The following RAPGEF2 variants were observed in gnomAD, a reference collection of about 807,000 sequenced individuals.
RAPGEF2 encodes the protein PDZ domain containing guanine nucleotide exchange factor (GEF) 1.
Under a neutral mutation model 186.7 loss-of-function variants are expected in RAPGEF2, and 54 were observed. The observed-to-expected ratio is 0.29, with a 90% CI of 0.23 to 0.36. The LOEUF is 0.36. Ranked by LOEUF, RAPGEF2 falls within the 10% of genes least tolerant of loss-of-function variation. RAPGEF2 has a pLI of 1.00. For missense variants in RAPGEF2, 1,532 were observed against 2,045.0 expected (o/e 0.75, Z 4.84); for synonymous variants, 712 against 705.9 (o/e 1.01, Z -0.14).
chr4:159,122,735 T>C (rs1739845424), intron 1 of RAPGEF2, among the ~76,000 whole-genome samples: 1 of 152,214 alleles, frequency 6.6e-6, no homozygotes, highest in Admixed American at 6.5e-5. Flanking sequence ...GTAAAAGTGA[T>C]CTTTTGTGGA....
intron 1 of RAPGEF2, among the ~76,000 whole-genome samples, chr4:159,131,758 CTTGT>C (rs1389879452): frequency 1.3e-5 from 2 of 151,436 alleles, no homozygotes; most frequent in Non-Finnish European, 2.9e-5. Context: ...CCGGCATCTC[CTTGT>C]TTGTCAGAAA....
intron 1 of RAPGEF2, among the ~76,000 whole-genome samples, chr4:159,161,971 C>T (rs748132744): frequency 1.3e-5 from 2 of 152,096 alleles, no homozygotes; most frequent in Non-Finnish European, 2.9e-5. Flanking sequence ...TTAAAGCATG[C>T]ATCATAACGT....
chr4:159,353,237 C>T lies in RAPGEF2; in HGVS notation c.4092-250C>T, dbSNP rs866865767. On this transcript the variant is annotated intron_variant, in intron 27 of 29. Coordinates refer to ENST00000691494, the MANE Select transcript of RAPGEF2 (RefSeq NM_001394067.2). The surrounding 1 kb of genome is among the most constrained non-coding windows in gnomAD (Gnocchi z 4.3). Reference sequence around the variant, plus strand: ...TATATTGAGCCACCCTTAATGTTGTCGGGGAATTTTTTTTTTTTTAATGGC... The same window carrying T: ...TATATTGAGCCACCCTTAATGTTGTTGGGGAATTTTTTTTTTTTTAATGGC... 4.0e-4 allele frequency among the ~76,000 whole-genome samples: 41 copies of T among 102,790 alleles called. No individual in the cohort carries two copies. Among genetic ancestry groups the T allele is most frequent in the African/African-American group, 7.2e-4 (15 of 20,918 alleles). 67.4% of individuals were successfully genotyped at this position (102,790 alleles called of 152,430 possible). A position where few individuals can be genotyped will look rare whatever the true frequency, so the allele number is the denominator to read the frequency against.
intron 7 of RAPGEF2, among the ~76,000 whole-genome samples, chr4:159,291,358 A>T (rs1212728973): frequency 6.6e-6 from 1 of 152,178 alleles, no homozygotes; most frequent in Admixed American, 6.6e-5. Context: ...GCTGGAGTGC[A>T]GTGGCGCAAT....
intron 4 of RAPGEF2, among the ~76,000 whole-genome samples, chr4:159,212,527 C>T (rs1750630754): frequency 6.6e-6 from 1 of 152,022 alleles, no homozygotes; most frequent in Admixed American, 6.6e-5. Context: ...GCTTTAAATA[C>T]AATTTAATGT....
intron 1 of RAPGEF2, among the ~76,000 whole-genome samples, chr4:159,139,120 G>A (rs990183284): frequency 6.6e-6 from 1 of 152,156 alleles, no homozygotes; most frequent in African/African-American, 2.4e-5. Flanking sequence ...AGATATTTTT[G>A]AGCACACCTA....
intron 17 of RAPGEF2, among the ~76,000 whole-genome samples, chr4:159,333,189 A>G (rs1766935456): frequency 6.6e-6 from 1 of 151,902 alleles, no homozygotes; most frequent in South Asian, 2.1e-4. Flanking sequence ...CATCTTGGCC[A>G]GGCTGGTCTT....
chr4:159,295,331 G>A (rs372943117), intron 7 of RAPGEF2, among the ~76,000 whole-genome samples: 2 of 152,140 alleles, frequency 1.3e-5, no homozygotes, highest in African/African-American at 2.4e-5. Flanking sequence ...ATGAGTGGTT[G>A]TTGATGGTTG....
intron 4 of RAPGEF2, among the ~76,000 whole-genome samples, chr4:159,225,895 A>G (rs575716942): frequency 8.5e-5 from 13 of 152,220 alleles, no homozygotes; most frequent in East Asian, 3.9e-4. Context: ...TTTGTTGGCT[A>G]TGTTTTGCAG....
chr4:159,357,394 G>GGGAA lies in RAPGEF2; in HGVS notation c.4958-707_4958-704dup, dbSNP rs778306109. Reference sequence around the variant, plus strand: ...AGAGAGAGAGAAGGGGAGGGAGAAAGGGAAGGAAGGAAGGAACCCACATTC... The same window carrying GGGAA: ...AGAGAGAGAGAAGGGGAGGGAGAAAGGGAAGGAAGGAAGGAAGGAACCCACATTC... On this transcript the variant is annotated intron_variant, in intron 29 of 29. Transcript: ENST00000691494. Among the ~76,000 whole-genome samples the GGGAA allele has an allele frequency of 5.2e-4, 79 of 152,268 alleles. 1 individual carries two copies. The highest frequency in any genetic ancestry group is 1.9e-4 in the Non-Finnish European group (13 of 68,020).
At position 159,322,492 on chromosome 4, in the gene RAPGEF2, CTA is replaced by C; in HGVS notation, c.990+11_990+12del. On this transcript the variant is annotated intron_variant, in intron 10 of 29. Coordinates refer to ENST00000691494, the MANE Select transcript of RAPGEF2 (RefSeq NM_001394067.2). ...TAAATGATGGTGAAGAGGTGAGTAA[CTA>C]TTCCTACCACTTAAAAAGTTTCTTC... The C allele has an allele frequency of 6.2e-7, 1 of 1,610,102 alleles. No individual in the cohort carries two copies. The highest frequency in any genetic ancestry group is 8.5e-7 in the Non-Finnish European group (1 of 1,177,474).
At chr4:159,276,101 T>A (rs1488612804) in intron 7 of RAPGEF2, among the ~76,000 whole-genome samples, 1 of 152,134 alleles carries the variant, frequency 6.6e-6, no homozygotes, top group Admixed American at 6.5e-5. Context: ...AAAAAGGAGA[T>A]TGCCTTGAGT....
chr4:159,208,286 TCAC>T (rs1750172324), intron 3 of RAPGEF2, among the ~76,000 whole-genome samples: 1 of 152,244 alleles, frequency 6.6e-6, no homozygotes, highest in South Asian at 2.1e-4. Flanking sequence ...CTTTTTAATG[TCAC>T]AATACAGAAA....
chr4:159,156,589 CTCA>C (rs1368196506), intron 1 of RAPGEF2, among the ~76,000 whole-genome samples: 5 of 152,096 alleles, frequency 3.3e-5, no homozygotes, highest in African/African-American at 1.2e-4. Flanking sequence ...CACTGATCAA[CTCA>C]TCATTTACAT....
intron 7 of RAPGEF2, among the ~76,000 whole-genome samples, chr4:159,270,335 G>A (rs977481821): frequency 3.3e-4 from 51 of 152,312 alleles, no homozygotes; most frequent in African/African-American, 1.2e-3. Context: ...ACTCAATATA[G>A]TTGTTGGGTA....
At chr4:159,104,551 A>AGG in intron 1 of RAPGEF2, among the ~76,000 whole-genome samples, 1 of 134,636 alleles carries the variant, frequency 7.4e-6, no homozygotes, top group African/African-American at 3.1e-5. Context: ...AGAGAGAGAG[A>AGG]GAGTGTGTGT....
chr4:159,273,690 C>G (rs547100024), intron 7 of RAPGEF2, among the ~76,000 whole-genome samples: 1 of 131,886 alleles, frequency 7.6e-6, no homozygotes, highest in South Asian at 2.4e-4. Flanking sequence ...TTCTTTCTTT[C>G]TTTCTTTCTT....
intron 9 of RAPGEF2, among the ~76,000 whole-genome samples, chr4:159,317,744 A>C (rs958580838): frequency 6.6e-6 from 1 of 152,186 alleles, no homozygotes; most frequent in Non-Finnish European, 1.5e-5. Context: ...AGTTTTAAAG[A>C]AGTAAATTGG....
intron 7 of RAPGEF2, among the ~76,000 whole-genome samples, chr4:159,277,578 C>A (rs916670058): frequency 6.6e-6 from 1 of 152,188 alleles, no homozygotes; most frequent in Admixed American, 6.5e-5. Flanking sequence ...CACATCCTCT[C>A]CAGCACCTGT....
Sources: allele counts gnomAD v4.1 joint callset (sites outside exome capture counted in the v4.1 genomes callset), GRCh38; gene constraint gnomAD v4.1.1; non-coding constraint Gnocchi (gnomAD v3.1); transcripts MANE v1.5; gene names NCBI Gene and HGNC (gene_info 2026-07-23, HGNC 2026-07-21).